CPNE8: variants seen among roughly 807,000 people sequenced by gnomAD.
CPNE8 encodes the protein copine 8, also known as copine-8.
CPNE8 carries 45 observed loss-of-function variants against 81.5 expected under a neutral mutation model. That is an observed-to-expected ratio of 0.55 (90% CI 0.44 to 0.71). The LOEUF (loss-of-function observed/expected upper bound fraction) is 0.71. Among genes scored for constraint, CPNE8 ranks in the 30% least tolerant of loss-of-function variants. The pLI is 0.00. For missense variants in CPNE8, 594 were observed against 672.1 expected (o/e 0.88, Z 1.28); for synonymous variants, 252 against 226.3 (o/e 1.11, Z -1.02).
intron 6 of CPNE8, among the ~76,000 whole-genome samples, chr12:38,777,751 C>T (rs1338045691): frequency 1.3e-5 from 2 of 152,124 alleles, no homozygotes; most frequent in African/African-American, 2.4e-5. Context: ...TACCATATAG[C>T]CTAGGTATGT....
At chr12:38,869,621 T>G (rs1943961707) in intron 3 of CPNE8, among the ~76,000 whole-genome samples, 1 of 152,202 alleles carries the variant, frequency 6.6e-6, no homozygotes, top group South Asian at 2.1e-4. Context: ...AAAATGCTTG[T>G]CTCTTGCATT....
At chr12:38,894,337 C>T (rs544874678) in intron 1 of CPNE8, among the ~76,000 whole-genome samples, 1 of 151,898 alleles carries the variant, frequency 6.6e-6, no homozygotes, top group Non-Finnish European at 1.5e-5. Context: ...AAACTTTTCC[C>T]AAAAAAATTT....
At chr12:38,808,319 G>A (rs866089002) in intron 6 of CPNE8, among the ~76,000 whole-genome samples, 6 of 151,838 alleles carry the variant, frequency 4.0e-5, no homozygotes, top group East Asian at 1.9e-4. Flanking sequence ...TTTATTGCAC[G>A]GCACTATTCA....
chr12:38,732,867 A>G (rs1940864400), intron 10 of CPNE8, among the ~76,000 whole-genome samples: 2 of 152,006 alleles, frequency 1.3e-5, no homozygotes, highest in African/African-American at 2.4e-5. Flanking sequence ...AATCTTGTTC[A>G]AGATGATTAT....
At chr12:38,660,134 C>G (rs1938920480) in intron 19 of CPNE8, among the ~76,000 whole-genome samples, 1 of 152,062 alleles carries the variant, frequency 6.6e-6, no homozygotes, top group Non-Finnish European at 1.5e-5. Context: ...CCTATGGAAC[C>G]AAAAAAGAGA....
intron 6 of CPNE8, among the ~76,000 whole-genome samples, chr12:38,815,388 T>G (rs1943008361): frequency 1.3e-5 from 2 of 152,226 alleles, no homozygotes; most frequent in Admixed American, 6.5e-5. Flanking sequence ...GTTGTCATAT[T>G]TATTATCTAA....
chr12:38,697,453 T>C lies in CPNE8; in HGVS notation c.962-3615A>G, dbSNP rs113029604. On this transcript the variant is annotated intron_variant, in intron 14 of 19. Coordinates refer to ENST00000331366, the MANE Select transcript of CPNE8 (RefSeq NM_153634.3). ...CTTCCACATTTGGGATATTATGCTG[T>C]TATATATATTCACGTATAAGTTTTT... Among the ~76,000 whole-genome samples, 260 of 152,300 alleles carry C rather than the reference T, an allele frequency of 1.7e-3. 1 individual carries two copies. The highest frequency in any genetic ancestry group is 6.0e-3 in the African/African-American group (248 of 41,572).
intron 19 of CPNE8, among the ~76,000 whole-genome samples, chr12:38,667,426 T>C (rs1434439968): frequency 6.6e-6 from 1 of 152,132 alleles, no homozygotes; most frequent in Admixed American, 6.5e-5. Context: ...TGGTAGAAGG[T>C]TTAGCTTTAT....
At chr12:38,759,418 A>C (rs1159949338) in intron 10 of CPNE8, among the ~76,000 whole-genome samples, 3 of 152,344 alleles carry the variant, frequency 2.0e-5, no homozygotes, top group Admixed American at 6.5e-5. Flanking sequence ...AGTTTAATAA[A>C]GCAATGGAGC....
chr12:38,714,532 C>A (rs1440980504), intron 13 of CPNE8, among the ~76,000 whole-genome samples: 1 of 151,726 alleles, frequency 6.6e-6, no homozygotes, highest in Non-Finnish European at 1.5e-5. Flanking sequence ...AACAAAGCTC[C>A]TTTATGAATA....
At chr12:38,876,584 T>C (rs561760635) in intron 1 of CPNE8, among the ~76,000 whole-genome samples, 2 of 152,314 alleles carry the variant, frequency 1.3e-5, no homozygotes, top group South Asian at 4.1e-4. Flanking sequence ...CCATAACACA[T>C]AATGGTAAGA....
chr12:38,762,040 C>A, intron 9 of CPNE8, 72 bp downstream of exon 9: 1 of 687,144 alleles, frequency 1.5e-6, no homozygotes, highest in Non-Finnish European at 2.2e-6. Context: ...GCCAACTTAT[C>A]CCACTTCCTC....
intron 6 of CPNE8, among the ~76,000 whole-genome samples, chr12:38,793,932 G>T (rs927849492): frequency 1.3e-5 from 2 of 152,044 alleles, no homozygotes; most frequent in African/African-American, 4.8e-5. Flanking sequence ...ATGATAAGAA[G>T]ACCTTTAATG....
At chr12:38,734,724 T>A (rs983762714) in intron 10 of CPNE8, among the ~76,000 whole-genome samples, 5 of 152,052 alleles carry the variant, frequency 3.3e-5, no homozygotes, top group Non-Finnish European at 5.9e-5. Flanking sequence ...ATTCTTTCTA[T>A]GAAAAGTGTT....
intron 5 of CPNE8, among the ~76,000 whole-genome samples, chr12:38,835,253 T>A (rs899346031): frequency 6.6e-6 from 1 of 152,116 alleles, no homozygotes; most frequent in Admixed American, 6.6e-5. Context: ...TTCTCCTAGA[T>A]TTTCAATCAT....
chr12:38,657,308 T>A (rs1284950748), intron 19 of CPNE8, among the ~76,000 whole-genome samples: 1 of 152,130 alleles, frequency 6.6e-6, no homozygotes, highest in Non-Finnish European at 1.5e-5. Context: ...CCTGCGAGGC[T>A]GCAGCCTGGT....
intron 3 of CPNE8, among the ~76,000 whole-genome samples, chr12:38,871,870 T>C (rs1361752544): frequency 6.6e-6 from 1 of 152,140 alleles, no homozygotes; most frequent in East Asian, 1.9e-4. Flanking sequence ...GCGTGGTGGC[T>C]CACACCTGTA....
chr12:38,839,862 T>C, intron 5 of CPNE8, 54 bp downstream of exon 5: 1 of 1,419,676 alleles, frequency 7.0e-7, no homozygotes, highest in African/African-American at 1.4e-5. Context: ...TAAGTCAGCA[T>C]AAGTACTAAT....
At chr12:38,671,413 A>G (rs1939173630) in intron 18 of CPNE8, among the ~76,000 whole-genome samples, 1 of 152,140 alleles carries the variant, frequency 6.6e-6, no homozygotes, top group African/African-American at 2.4e-5. Flanking sequence ...TTTGTTGATT[A>G]AGAAATAATT....
Sources: allele counts gnomAD v4.1 joint callset (sites outside exome capture counted in the v4.1 genomes callset), GRCh38; gene constraint gnomAD v4.1.1; transcripts MANE v1.5; gene names NCBI Gene and HGNC (gene_info 2026-07-23, HGNC 2026-07-21).